Variants in PCDHGA10 observed in about 807,000 individuals in gnomAD.
PCDHGA10 encodes protocadherin gamma-A10.
A neutral mutation model predicts 59.5 loss-of-function variants in PCDHGA10; 42 were observed. The ratio of observed to expected loss-of-function variants is 0.71; its 90% CI spans 0.55 to 0.91. PCDHGA10 has a LOEUF of 0.91. Among genes scored for constraint, PCDHGA10 ranks in the 40% least tolerant of loss-of-function variants. The probability of loss-of-function intolerance (pLI) is 0.00; values close to 1 mark genes in which losing one functional copy is unlikely to be tolerated. For missense variants in PCDHGA10, 1,111 were observed against 1,198.2 expected (o/e 0.93, Z 1.07); for synonymous variants, 511 against 517.2 (o/e 0.99, Z 0.16).
At chr5:141,463,725 C>T (rs1259646105) in intron 1 of PCDHGA10, among the ~76,000 whole-genome samples, 2 of 152,026 alleles carry the variant, frequency 1.3e-5, no homozygotes, top group Non-Finnish European at 1.5e-5. Context: ...GGATTACAGG[C>T]ATGAGCCACC....
intron 2 of PCDHGA10, among the ~76,000 whole-genome samples, chr5:141,503,077 T>C (rs902429288): frequency 6.6e-6 from 1 of 151,810 alleles, no homozygotes; most frequent in African/African-American, 2.4e-5. Flanking sequence ...ATGGTCTCGA[T>C]CTCCTGACCT....
At chr5:141,452,490 C>A (rs2098742307) in intron 1 of PCDHGA10, among the ~76,000 whole-genome samples, 1 of 152,188 alleles carries the variant, frequency 6.6e-6, no homozygotes, top group East Asian at 1.9e-4. Flanking sequence ...TAAACACACC[C>A]ATATTTATAT....
At chr5:141,475,840 A>G (rs1039073157) in intron 1 of PCDHGA10, 2 of 434,770 alleles carry the variant, frequency 4.6e-6, no homozygotes, top group Non-Finnish European at 8.2e-6. Context: ...TGTCCTGCTC[A>G]GAGAGCCCGG....
chr5:141,418,542 T>A (rs1260030087), intron 1 of PCDHGA10: 1 of 1,614,028 alleles, frequency 6.2e-7, no homozygotes, highest in South Asian at 1.1e-5. Context: ...ACTGCTCAGA[T>A]AAGAATCCTG....
At position 141,476,902 on chromosome 5, in the gene PCDHGA10, C is replaced by T. The variant is rs1399250599; in HGVS notation, c.2437-17905C>T. ...TGGAGGATGCACCCTCCGGCACGCG[C>T]GTGGTACAAGTCCTTGCAACGGATC... On this transcript the variant is annotated intron_variant, in intron 1 of 3. Transcript: ENST00000398610. This position sits in a 1 kb window ranked among gnomAD's most constrained non-coding sequence, Gnocchi z 7.6. 2 of 1,613,998 alleles carry T rather than the reference C, an allele frequency of 1.2e-6. No individual in the cohort carries two copies. The highest frequency in any genetic ancestry group is 1.7e-6 in the Non-Finnish European group (2 of 1,180,034).
intron 1 of PCDHGA10, among the ~76,000 whole-genome samples, chr5:141,472,863 G>A (rs2099301197): frequency 6.7e-6 from 1 of 149,994 alleles, no homozygotes. Context: ...GCACATGCCT[G>A]TATTCCCAGC....
chr5:141,510,510 G>C (rs1042950478), intron 3 of PCDHGA10, among the ~76,000 whole-genome samples: 1 of 152,132 alleles, frequency 6.6e-6, no homozygotes, highest in Non-Finnish European at 1.5e-5. Context: ...CTGAGAGCCC[G>C]TGTCACAGCC....
intron 1 of PCDHGA10, chr5:141,440,945 A>T (rs1210278728): frequency 2.6e-5 from 4 of 152,234 alleles, no homozygotes; most frequent in African/African-American, 9.7e-5. Flanking sequence ...CCAGGACTAG[A>T]GTGTCAAGGC....
chr5:141,427,805 A>G lies in PCDHGA10; in HGVS notation c.2436+12194A>G, dbSNP rs1010656936. The G allele has an allele frequency of 3.3e-6, 5 of 1,520,154 alleles. No homozygotes were observed. In the African/African-American group the frequency reaches 4.1e-5, roughly 12 times the overall value. 94.2% of individuals were successfully genotyped at this position (1,520,154 alleles called of 1,614,324 possible). ...TGTCGTCCTACGTGTCCGTGAGCGC[A>G]CAGAGCGGGGTGGTGGTCGCGCAGC... On this transcript the variant is annotated intron_variant, in intron 1 of 3. Coordinates refer to ENST00000398610, the MANE Select transcript of PCDHGA10 (RefSeq NM_018913.3).
At position 141,415,177 on chromosome 5, in the gene PCDHGA10, G is replaced by C; in HGVS notation, c.2002G>C (p.Val668Leu). 3 of 1,613,926 alleles carry C rather than the reference G, an allele frequency of 1.9e-6. No homozygotes were observed. The highest frequency in any genetic ancestry group is 2.5e-6 in the Non-Finnish European group (3 of 1,180,024). The change falls in exon 1 of 4, where the codon GTG becomes CTG. Residue 668 changes from valine to leucine, a missense_variant. Physicochemically the swap from Val to Leu is conservative, Grantham distance 32. Transcript: ENST00000398610. ...CGCCACTGTCACGCTCACCGTGGCC[G>C]TGGCCGACAGCATCCCCCAAGTCCT... is the stretch of plus-strand genomic sequence containing the variant. ...LSATVTLTVA[V>L]ADSIPQVLAD...
chr5:141,506,415 C>T lies in PCDHGA10; in HGVS notation c.2584+934C>T, dbSNP rs2099853185. 2.0e-5 allele frequency among the ~76,000 whole-genome samples: 3 copies of T among 148,290 alleles called. No homozygotes were observed. The South Asian group carries it at 6.4e-4, about 32-fold the overall frequency. On this transcript the variant is annotated intron_variant, in intron 3 of 3. Coordinates refer to ENST00000398610, the MANE Select transcript of PCDHGA10 (RefSeq NM_018913.3). ...GAGCAGAAAATCGCACCACTGCACT[C>T]CAGCCTGGGCAACAGTCTCGCTCTG...
chr5:141,469,565 C>T (rs1410607165), intron 1 of PCDHGA10, among the ~76,000 whole-genome samples: 1 of 152,082 alleles, frequency 6.6e-6, no homozygotes, highest in East Asian at 1.9e-4. Context: ...CAGAGTGAGA[C>T]TCTGTCTCTA....
rs1456184444 is a variant in PCDHGA10, at chr5:141,512,578, C to G, written c.*1405C>G. ...ATAGACCTTCTTCTCCCACCCCCTT[C>G]TGCCCCTGGGTCCCCGGCCATCCAG... On this transcript the variant is annotated 3_prime_UTR_variant, in exon 4 of 4. Coordinates refer to ENST00000398610, the MANE Select transcript of PCDHGA10 (RefSeq NM_018913.3). The G allele has an allele frequency of 6.5e-6, 1 of 153,062 alleles. No individual in the cohort carries two copies. The highest frequency in any genetic ancestry group is 1.5e-5 in the Non-Finnish European group (1 of 68,534). 9.5% of individuals were successfully genotyped at this position (153,062 alleles called of 1,614,324 possible). A position where few individuals can be genotyped will look rare whatever the true frequency, so the allele number is the denominator to read the frequency against.
chr5:141,509,595 C>T (rs968797923), intron 3 of PCDHGA10, among the ~76,000 whole-genome samples: 36 of 152,168 alleles, frequency 2.4e-4, no homozygotes, highest in African/African-American at 6.8e-4. Context: ...CTGGCAATTC[C>T]GAGAGGCTGC....
At chr5:141,425,860 A>G (rs1445251215) in intron 1 of PCDHGA10, among the ~76,000 whole-genome samples, 1 of 152,248 alleles carries the variant, frequency 6.6e-6, no homozygotes, top group Non-Finnish European at 1.5e-5. Context: ...TGACTGTTCT[A>G]TAGATTCCCA....
intron 3 of PCDHGA10, among the ~76,000 whole-genome samples, chr5:141,508,789 A>C: frequency 1.4e-5 from 2 of 145,944 alleles, no homozygotes; most frequent in African/African-American, 2.6e-5. Context: ...CCCCTAAATC[A>C]CTCTGGAATC....
chr5:141,466,148 G>A (rs1201643685), intron 1 of PCDHGA10, among the ~76,000 whole-genome samples: 1 of 151,814 alleles, frequency 6.6e-6, no homozygotes, highest in Non-Finnish European at 1.5e-5. Flanking sequence ...GAAAACTCTG[G>A]TCTTAAACTG....
At chr5:141,505,777 TCTG>T (rs77860300) in intron 3 of PCDHGA10, among the ~76,000 whole-genome samples, 6,508 of 152,280 alleles carry the variant, frequency 0.043, 161 homozygotes, top group Middle Eastern at 0.13. Context: ...AGGTCCTAGC[TCTG>T]CTACTATCCT....
intron 1 of PCDHGA10, chr5:141,471,417 T>A (rs1174855045): frequency 6.6e-6 from 1 of 152,190 alleles, no homozygotes; most frequent in Non-Finnish European, 1.5e-5. Flanking sequence ...GTTATGTTTT[T>A]AGCAAGGAAA....
Sources: allele counts gnomAD v4.1 joint callset (sites outside exome capture counted in the v4.1 genomes callset), GRCh38; gene constraint gnomAD v4.1.1; non-coding constraint Gnocchi (gnomAD v3.1); transcripts MANE v1.5; gene names NCBI Gene and HGNC (gene_info 2026-07-23, HGNC 2026-07-21).